Variants in STRN3 observed in about 807,000 individuals in gnomAD.
The protein encoded by STRN3 is striatin-3.
A neutral mutation model predicts 95.6 loss-of-function variants in STRN3; 29 were observed. The ratio of observed to expected loss-of-function variants is 0.30; its 90% CI spans 0.23 to 0.41. The LOEUF (loss-of-function observed/expected upper bound fraction) is 0.41, where lower values mean the gene tolerates loss of function less well. Ranked by LOEUF, STRN3 falls within the 10% of genes least tolerant of loss-of-function variation. STRN3 has a pLI of 1.00. For synonymous variants in STRN3, 331 were observed against 357.6 expected (o/e 0.93, Z 0.84); for missense variants, 890 against 972.1 (o/e 0.92, Z 1.12).
chr14:31,003,720 G>GT (rs1348975085), intron 1 of STRN3, among the ~76,000 whole-genome samples: 1 of 144,386 alleles, frequency 6.9e-6, no homozygotes, highest in Non-Finnish European at 1.5e-5. Context: ...TTTTTTCTTT[G>GT]TAAGTCACCC....
At chr14:31,008,988 G>A (rs1399675777) in intron 1 of STRN3, among the ~76,000 whole-genome samples, 3 of 151,678 alleles carry the variant, frequency 2.0e-5, no homozygotes, top group African/African-American at 4.9e-5. Flanking sequence ...GCAATGAGCC[G>A]TGATTGTACC....
At chr14:30,980,459 G>GTGCAT (rs1881337063) in intron 1 of STRN3, among the ~76,000 whole-genome samples, 2 of 151,768 alleles carry the variant, frequency 1.3e-5, no homozygotes, top group South Asian at 4.2e-4. Context: ...CCAGGCTGGA[G>GTGCAT]TGCAGTGGCA....
intron 8 of STRN3, among the ~76,000 whole-genome samples, chr14:30,928,966 C>CA (rs1878336563): frequency 6.6e-6 from 1 of 152,064 alleles, no homozygotes; most frequent in African/African-American, 2.4e-5. Flanking sequence ...AGCTTAAAAA[C>CA]AATCCTCAAA....
chr14:30,896,733 A>C (rs1896162871), intron 16 of STRN3, among the ~76,000 whole-genome samples: 1 of 152,178 alleles, frequency 6.6e-6, no homozygotes, highest in Non-Finnish European at 1.5e-5. Flanking sequence ...TTTGAAATAT[A>C]ATCATTTTAC....
intron 13 of STRN3, among the ~76,000 whole-genome samples, chr14:30,909,921 C>A (rs1284622529): frequency 2.0e-5 from 3 of 152,320 alleles, no homozygotes; most frequent in African/African-American, 7.2e-5. Flanking sequence ...TATTCTACCA[C>A]ACTCCCTCAG....
At chr14:30,972,895 A>C (rs1880905022) in intron 1 of STRN3, among the ~76,000 whole-genome samples, 1 of 152,238 alleles carries the variant, frequency 6.6e-6, no homozygotes, top group South Asian at 2.1e-4. Flanking sequence ...AGAGCTATAT[A>C]ATATTTATTT....
intron 5 of STRN3, among the ~76,000 whole-genome samples, chr14:30,944,107 C>G (rs911317661): frequency 1.2e-4 from 18 of 151,826 alleles, no homozygotes; most frequent in African/African-American, 3.9e-4. Context: ...GGAGAAGATA[C>G]AGCTTATCGA....
intron 1 of STRN3, chr14:31,018,528 T>C: frequency 2.3e-6 from 1 of 429,408 alleles, no homozygotes; most frequent in South Asian, 1.7e-5. Context: ...ACAACTATGG[T>C]AAAGGACATC....
chr14:30,961,512 T>C (rs1186878483), intron 1 of STRN3, among the ~76,000 whole-genome samples: 1 of 152,236 alleles, frequency 6.6e-6, no homozygotes, highest in Non-Finnish European at 1.5e-5. Context: ...AGACGCATTA[T>C]TCACGTTTGT....
chr14:30,903,820 C>T (rs1896389416), intron 15 of STRN3, among the ~76,000 whole-genome samples: 1 of 152,090 alleles, frequency 6.6e-6, no homozygotes, highest in Non-Finnish European at 1.5e-5. Flanking sequence ...GACTTTAAAG[C>T]ATAGAAATTA....
At chr14:30,988,961 T>C (rs1245401000) in intron 1 of STRN3, among the ~76,000 whole-genome samples, 1 of 152,218 alleles carries the variant, frequency 6.6e-6, no homozygotes, top group Non-Finnish European at 1.5e-5. Flanking sequence ...GTAAAGTGTC[T>C]TGCTCACGGA....
Position 30,895,000 on chromosome 14 carries a change from C to A in STRN3, c.*411G>T. On this transcript the variant is annotated 3_prime_UTR_variant, in exon 18 of 18. Coordinates refer to ENST00000357479, the MANE Select transcript of STRN3 (RefSeq NM_001083893.2). ...GAAAAAAAGCTACTCTTGGAGCTCA[C>A]TTCCCCCAACAAGAGCACCACATTC... 1.7e-6 allele frequency: 1 copy of A among 575,162 alleles called. No homozygotes were observed. Among genetic ancestry groups the A allele is most frequent in the Non-Finnish European group, 2.3e-6 (1 of 438,704 alleles). 35.6% of individuals were successfully genotyped at this position (575,162 alleles called of 1,614,324 possible).
In STRN3 at chr14:30,913,587, A is replaced by G; in HGVS notation, c.1311T>C (p.Ser437=). Residue 437 remains serine (S), a synonymous_variant, in exon 10 of 18, where the codon AGT becomes AGC. Coordinates refer to ENST00000357479, the MANE Select transcript of STRN3 (RefSeq NM_001083893.2). ...FIMGSDDVLL[S]VLGLGDLADL... Reference sequence around the variant, plus strand: ...CTGCAAGGTCTCCAAGGCCCAGTACACTTAACAAAACATCATCAGAACCCA... The same window carrying G: ...CTGCAAGGTCTCCAAGGCCCAGTACGCTTAACAAAACATCATCAGAACCCA... 1 of 1,613,954 alleles carries G rather than the reference A, an allele frequency of 6.2e-7. No homozygotes were observed. The highest frequency in any genetic ancestry group is 8.5e-7 in the Non-Finnish European group (1 of 1,179,914).
intron 1 of STRN3, among the ~76,000 whole-genome samples, chr14:30,992,164 C>A (rs1449658875): frequency 2.0e-5 from 3 of 152,006 alleles, no homozygotes; most frequent in Admixed American, 6.6e-5. Flanking sequence ...AATCCCAGCA[C>A]TTTCGGAGGC....
intron 5 of STRN3, among the ~76,000 whole-genome samples, chr14:30,938,178 A>G (rs1440160066): frequency 6.6e-6 from 1 of 152,014 alleles, no homozygotes; most frequent in Non-Finnish European, 1.5e-5. Flanking sequence ...TTTTTTAAAT[A>G]GCATTAACAA....
Position 31,026,047 on chromosome 14 carries a change from C to A in STRN3, c.139G>T (p.Glu47Ter). ...AAGGGGPPAS[E>*]GAGPAAGPEL... Reference sequence around the variant, plus strand: ...GGGCCTGCCGCGGGACCCGCTCCCTCGGAGGCCGGAGGACCCCCGCCGCCC... The same window carrying A: ...GGGCCTGCCGCGGGACCCGCTCCCTAGGAGGCCGGAGGACCCCCGCCGCCC... The change falls in exon 1 of 18, where the codon GAG becomes TAG. Residue 47 changes from glutamate (E) to a stop codon, truncating the protein, a stop_gained. Transcript: ENST00000357479. LOFTEE classifies it high-confidence loss of function. 6.5e-7 allele frequency: 1 copy of A among 1,530,784 alleles called. No individual in the cohort carries two copies. The allele number at this position is 1,530,784 out of a possible 1,614,324, so 94.8% of individuals were successfully genotyped here. A position where few individuals can be genotyped will look rare whatever the true frequency, so the allele number is the denominator to read the frequency against.
intron 8 of STRN3, among the ~76,000 whole-genome samples, chr14:30,920,033 G>C (rs569650071): frequency 7.9e-4 from 120 of 152,206 alleles, no homozygotes; most frequent in Non-Finnish European, 1.5e-3. Context: ...CAAACATTAT[G>C]ACGTTATATT....
intron 7 of STRN3, chr14:30,932,351 A>T (rs1257081190): frequency 1.3e-5 from 2 of 152,262 alleles, no homozygotes; most frequent in African/African-American, 4.8e-5. Flanking sequence ...TTCCATAAAT[A>T]TAAAGAGTGT....
chr14:30,944,202 C>T (rs1452355696), intron 5 of STRN3, among the ~76,000 whole-genome samples: 1 of 151,994 alleles, frequency 6.6e-6, no homozygotes, highest in Non-Finnish European at 1.5e-5. Flanking sequence ...CGTGGTATGG[C>T]AAACCTGTAT....
Sources: allele counts gnomAD v4.1 joint callset (sites outside exome capture counted in the v4.1 genomes callset), GRCh38; gene constraint gnomAD v4.1.1; transcripts MANE v1.5; gene names NCBI Gene and HGNC (gene_info 2026-07-23, HGNC 2026-07-21).